DDX55: variants seen among roughly 807,000 people sequenced by gnomAD.
DDX55 encodes DEAD-box helicase 55, also known as ATP-dependent RNA helicase DDX55.
A neutral mutation model predicts 69.2 loss-of-function variants in DDX55; 56 were observed. That is an observed-to-expected ratio of 0.81 (90% CI 0.65 to 1.01). DDX55 has a LOEUF of 1.01. Ranked by LOEUF, DDX55 falls within the 50% of genes least tolerant of loss-of-function variation. DDX55 has a pLI of 0.00. For missense variants in DDX55, 720 were observed against 745.1 expected (o/e 0.97, Z 0.39); for synonymous variants, 268 against 273.1 (o/e 0.98, Z 0.18).
In DDX55 at chr12:123,620,020, GA is replaced by G. The variant is rs774458613; in HGVS notation, c.1689del (p.Lys563AsnfsTer7). On this transcript the variant is annotated frameshift_variant, in exon 14 of 14. Coordinates refer to ENST00000238146, the MANE Select transcript of DDX55 (RefSeq NM_020936.3). LOFTEE classifies it high-confidence loss of function. ...EELLNDTRLL[K>X]KLKKGKITEE... The stretch of plus-strand genomic sequence containing the variant: ...AACTTCTTAATGACACAAGACTCTT[GA>G]AAAAACTTAAGAAAGGCAAAATAAC... 1.2e-6 allele frequency: 2 copies of G among 1,614,128 alleles called. No individual in the cohort carries two copies. Among genetic ancestry groups the G allele is most frequent in the Admixed American group, 3.3e-5 (2 of 60,022 alleles).
intron 7 of DDX55, among the ~76,000 whole-genome samples, chr12:123,612,137 C>T (rs573877779): frequency 9.9e-5 from 15 of 152,274 alleles, no homozygotes; most frequent in South Asian, 6.2e-4. Context: ...AGGAAATACT[C>T]GGAGCATTTT....
Position 123,602,224 on chromosome 12 carries a change from G to A in DDX55, c.76G>A (p.Glu26Lys). Residue 26 changes from glutamate (E) to lysine (K), a missense_variant, in exon 1 of 14, where the codon GAG (glutamate) becomes AAG (lysine). Coordinates refer to ENST00000238146, the MANE Select transcript of DDX55 (RefSeq NM_020936.3). ...CCCGCAGGTGCTGGGCGCGCTGCGG[G>A]AGCTGGGCTTCCCGTACATGACGCC... is the stretch of plus-strand genomic sequence containing the variant. ...LHPQVLGALRELGFPYMTPVQ... is the reference protein window; with the variant it reads ...LHPQVLGALRKLGFPYMTPVQ... 1 of 1,570,968 alleles carries A rather than the reference G, an allele frequency of 6.4e-7. No homozygotes were observed. The highest frequency in any genetic ancestry group is 1.2e-5 in the South Asian group (1 of 86,072).
At chr12:123,618,604 T>C in intron 11 of DDX55, 65 bp from the exon 12 acceptor site, 1 of 1,575,666 alleles carries the variant, frequency 6.3e-7, no homozygotes. Flanking sequence ...TTGGTTGTGA[T>C]GGGGAGCCCT....
In DDX55 at chr12:123,620,010, C is replaced by G. The variant is rs1402615834; in HGVS notation, c.1673C>G (p.Thr558Arg). ...DEDMEELLNDTRLLKKLKKGK... is the reference protein window; with the variant it reads ...DEDMEELLNDRRLLKKLKKGK... ...GACATGGAAGAACTTCTTAATGACA[C>G]AAGACTCTTGAAAAAACTTAAGAAA... Residue 558 changes from threonine to arginine, a missense_variant, in exon 14 of 14, where the codon ACA (threonine) becomes AGA (arginine). Thr to Arg is a moderately conservative substitution (Grantham distance 71). Coordinates refer to ENST00000238146, the MANE Select transcript of DDX55 (RefSeq NM_020936.3). 6.2e-7 allele frequency: 1 copy of G among 1,614,108 alleles called. No individual in the cohort carries two copies.
In DDX55 at chr12:123,620,034, A is replaced by C. The variant is rs1955029070; in HGVS notation, c.1697A>C (p.Lys566Thr). 3.7e-6 allele frequency: 6 copies of C among 1,614,084 alleles called. No homozygotes were observed. The highest frequency in any genetic ancestry group is 1.7e-5 in the Admixed American group (1 of 60,006). Residue 566 changes from lysine (K) to threonine (T), a missense_variant, in exon 14 of 14, where the codon AAA becomes ACA. Coordinates refer to ENST00000238146, the MANE Select transcript of DDX55 (RefSeq NM_020936.3). Reference protein sequence around the residue: ...NDTRLLKKLKKGKITEEEFEK... With the variant: ...NDTRLLKKLKTGKITEEEFEK... ...ACAAGACTCTTGAAAAAACTTAAGA[A>C]AGGCAAAATAACTGAAGAAGAATTT...
chr12:123,619,646 A>T lies in DDX55; in HGVS notation c.1548A>T (p.Ile516=). The T allele has an allele frequency of 6.2e-7, 1 of 1,611,444 alleles. No homozygotes were observed. Among genetic ancestry groups the T allele is most frequent in the Non-Finnish European group, 8.5e-7 (1 of 1,179,404 alleles). The change falls in exon 13 of 14, where the codon ATA becomes ATT. Residue 516 remains isoleucine (I), a synonymous_variant. Coordinates refer to ENST00000238146, the MANE Select transcript of DDX55 (RefSeq NM_020936.3). ...AAAATGAAGGGAGAAGAAAATTCAT[A>T]AAAAATAAAGCTTGGTCAAAGCAGA... ...KTENEGRRKF[I]KNKAWSKQKA...
At chr12:123,617,616 T>C (rs1954773129) in intron 10 of DDX55, 142 bp from the exon 11 acceptor site, 1 of 546,192 alleles carries the variant, frequency 1.8e-6, no homozygotes, top group Admixed American at 3.7e-5. Flanking sequence ...TTTCTCACAC[T>C]AGTAAGTGGC....
At chr12:123,617,056 A>G (rs1173359892) in intron 10 of DDX55, among the ~76,000 whole-genome samples, 1 of 152,246 alleles carries the variant, frequency 6.6e-6, no homozygotes. Context: ...AGGCTGAGGC[A>G]GGAGAATCGC....
intron 1 of DDX55, 52 bp from the exon 2 acceptor site, chr12:123,605,879 C>G (rs753386693): frequency 1.2e-6 from 2 of 1,613,372 alleles, no homozygotes; most frequent in Admixed American, 3.3e-5. Flanking sequence ...TCGGGTCTCA[C>G]CTGTGAATTG....
At chr12:123,602,309 CT>C in intron 1 of DDX55, 53 bp downstream of exon 1, 1 of 1,457,616 alleles carries the variant, frequency 6.9e-7, no homozygotes, top group South Asian at 1.3e-5. Flanking sequence ...CAGGCACCCG[CT>C]GCATCGGACC....
Position 123,602,249 on chromosome 12 carries a change from C to T in DDX55, c.101C>T (p.Pro34Leu), listed in dbSNP as rs766956658. 3.2e-6 allele frequency: 5 copies of T among 1,562,338 alleles called. No individual in the cohort carries two copies. The highest frequency in any genetic ancestry group is 4.3e-6 in the Non-Finnish European group (5 of 1,156,994). ...GAGCTGGGCTTCCCGTACATGACGCCGGTGCAGGTATCGGTTCCCTGGCGT... is the reference window on the plus strand; with the variant it reads ...GAGCTGGGCTTCCCGTACATGACGCTGGTGCAGGTATCGGTTCCCTGGCGT... ...LRELGFPYMTPVQSATIPLFM... is the reference protein window; with the variant it reads ...LRELGFPYMTLVQSATIPLFM... The change falls in exon 1 of 14, where the codon CCG becomes CTG. Residue 34 changes from proline (P) to leucine (L), a missense_variant. Physicochemically the swap from Pro to Leu is moderately conservative, Grantham distance 98. Transcript: ENST00000238146.
At position 123,617,762 on chromosome 12, in the gene DDX55, T is replaced by C. The variant is rs140288159; in HGVS notation, c.1054T>C (p.Phe352Leu). 19 of 1,611,350 alleles carry C rather than the reference T, an allele frequency of 1.2e-5. No individual in the cohort carries two copies. Among genetic ancestry groups the C allele is most frequent in the Non-Finnish European group, 1.5e-5 (18 of 1,178,982 alleles). ...QYDPPSNASA[F>L]VHRCGRTARI... ...TTCCACCCTGTGTTCTCACAGTGCC[T>C]TCGTGCATCGCTGCGGTCGCACAGC... Residue 352 changes from phenylalanine to leucine, a missense_variant, in exon 11 of 14, where the codon TTC becomes CTC. Coordinates refer to ENST00000238146, the MANE Select transcript of DDX55 (RefSeq NM_020936.3).
At chr12:123,605,317 C>T (rs898525022) in intron 1 of DDX55, 12 of 163,738 alleles carry the variant, frequency 7.3e-5, no homozygotes, top group Admixed American at 6.2e-4. Flanking sequence ...GCCACCACGC[C>T]TGGCCCACCC....
intron 13 of DDX55, 101 bp downstream of exon 13, chr12:123,619,825 G>A (rs143293962): frequency 9.2e-6 from 14 of 1,517,460 alleles, no homozygotes; most frequent in East Asian, 9.0e-5. Context: ...TTTCTGTTAC[G>A]TTGGCGACCA....
At position 123,608,669 on chromosome 12, in the gene DDX55, T is replaced by G; in HGVS notation, c.402-11T>G. The G allele has an allele frequency of 6.2e-7, 1 of 1,611,300 alleles. No individual in the cohort carries two copies. On this transcript the variant is annotated splice_polypyrimidine_tract_variant and intron_variant, in intron 5 of 13. Transcript: ENST00000238146. ...CAGAGAGTTTGGTAAATGTTAACTT[T>G]CTTTCCAAAGTGGGAACATCATTGT...
intron 5 of DDX55, 47 bp from the exon 6 acceptor site, chr12:123,608,633 T>G (rs139055355): frequency 6.3e-7 from 1 of 1,599,774 alleles, no homozygotes; most frequent in East Asian, 2.2e-5. Context: ...ATCAACCACA[T>G]TCCCAAGATC....
rs1284777497 is a variant in DDX55 at position 123,615,288 on chromosome 12, ATCT to A, written c.931_933del (p.Phe311del). ...AAAGATGAAATATAAACGCAATAAG[ATCT>A]TCATGGAGTTCCGCAAATTGCAAAG... On this transcript the variant is annotated inframe_deletion, in exon 9 of 14. Transcript: ENST00000238146. The A allele has an allele frequency of 6.2e-7, 1 of 1,613,858 alleles. No individual in the cohort carries two copies. The highest frequency in any genetic ancestry group is 1.3e-5 in the African/African-American group (1 of 74,888).
chr12:123,607,064 T>TGTTAAATAG, intron 3 of DDX55, among the ~76,000 whole-genome samples: 2 of 152,186 alleles, frequency 1.3e-5, no homozygotes, highest in Non-Finnish European at 2.9e-5. Flanking sequence ...AATGAATCAA[T>TGTTAAATAG]AGTATATGTT....
chr12:123,614,912 C>G (rs779208322), intron 8 of DDX55, among the ~76,000 whole-genome samples: 1 of 152,032 alleles, frequency 6.6e-6, no homozygotes, highest in Non-Finnish European at 1.5e-5. Context: ...GGAGATTTCC[C>G]GTGAGAACAT....
Sources: gnomAD v4.1 joint callset for allele counts (sites outside exome capture counted in the v4.1 genomes callset) on GRCh38, gnomAD v4.1.1 for gene constraint, MANE v1.5 for transcripts, NCBI Gene and HGNC (gene_info 2026-07-23, HGNC 2026-07-21) for gene names.